The following POTEJ variants were observed in gnomAD, a reference collection of about 807,000 sequenced individuals.
The protein encoded by POTEJ is POTE ankyrin domain family, member J.
A neutral mutation model predicts 69.0 loss-of-function variants in POTEJ; 11 were observed. That is an observed-to-expected ratio of 0.16 (90% CI 0.10 to 0.26). The LOEUF (loss-of-function observed/expected upper bound fraction) is 0.26, where lower values mean the gene tolerates loss of function less well. POTEJ is among the 10% of genes least tolerant of loss of function. The probability of loss-of-function intolerance (pLI) is 1.00; values close to 1 mark genes in which losing one functional copy is unlikely to be tolerated. For synonymous variants in POTEJ, 117 were observed against 381.1 expected (o/e 0.31, Z 8.07); for missense variants, 327 against 1,045.5 (o/e 0.31, Z 9.48).
At position 130,648,332 on chromosome 2, in the gene POTEJ, C is replaced by T. The variant is rs1314815460; in HGVS notation, c.1667+2022C>T. Among the ~76,000 whole-genome samples the T allele has an allele frequency of 3.5e-5, 5 of 144,636 alleles. No homozygotes were observed. In the East Asian group the frequency reaches 9.7e-4, roughly 28 times the overall value. 94.9% of individuals were successfully genotyped at this position (144,636 alleles called of 152,430 possible). A position where few individuals can be genotyped will look rare whatever the true frequency, so the allele number is the denominator to read the frequency against. On this transcript the variant is annotated intron_variant, in intron 13 of 14. Transcript: ENST00000409602. ...CCTGTTATGTAAAATTTGGAAGCTACTATTTCTTGTCTATCACTTTTCCAT... is the reference window on the plus strand; with the variant it reads ...CCTGTTATGTAAAATTTGGAAGCTATTATTTCTTGTCTATCACTTTTCCAT...
rs1250119182 is a variant in POTEJ at position 130,625,417 on chromosome 2, TC to T, written c.1015+1284del. On this transcript the variant is annotated intron_variant, in intron 6 of 14. Coordinates refer to ENST00000409602, the MANE Select transcript of POTEJ (RefSeq NM_001277083.2). ...CATTTTCATTATTTTACTACTTTAT[TC>T]AGTGCTTACTGTGTGCTAGATGCCC... Among the ~76,000 whole-genome samples the T allele has an allele frequency of 1.2e-4, 18 of 151,798 alleles. No homozygotes were observed. In the South Asian group the frequency reaches 3.7e-3, roughly 32 times the overall value.
At chr2:130,634,970 C>G (rs1192971871) in intron 9 of POTEJ, among the ~76,000 whole-genome samples, 2 of 152,044 alleles carry the variant, frequency 1.3e-5, no homozygotes, top group Admixed American at 1.3e-4. Flanking sequence ...AATCTGTCAG[C>G]AATATTTGAG....
chr2:130,636,983 G>A (rs1686116471), intron 9 of POTEJ, among the ~76,000 whole-genome samples: 1 of 146,418 alleles, frequency 6.8e-6, no homozygotes, highest in Admixed American at 6.9e-5. Context: ...GGAGGCTGAG[G>A]CAGGAGAATG....
chr2:130,625,486 G>A (rs566676164), intron 6 of POTEJ, among the ~76,000 whole-genome samples: 14 of 152,028 alleles, frequency 9.2e-5, no homozygotes, highest in African/African-American at 3.2e-4. Flanking sequence ...TTGATTATGT[G>A]CCAGACATAT....
chr2:130,613,408 A>G (rs2105193568), intron 1 of POTEJ, among the ~76,000 whole-genome samples: 1 of 143,468 alleles, frequency 7.0e-6, no homozygotes, highest in Admixed American at 7.0e-5. Flanking sequence ...ATATATATAT[A>G]TACTTTTTTT....
intron 9 of POTEJ, among the ~76,000 whole-genome samples, chr2:130,637,601 A>C (rs1290664395): frequency 5.3e-5 from 8 of 152,248 alleles, no homozygotes. Context: ...TTGCGCAATA[A>C]AAATAGTCAT....
chr2:130,657,225 T>TCACCCACA lies in POTEJ; in HGVS notation c.2467_2474dup (p.Val826ProfsTer19), dbSNP rs1687039164. Reference sequence around the variant, plus strand: ...ATCGTGATGGACTCTGGTGACGGGGTCACCCACACTGTGCCCATCTATGAT... The same window carrying TCACCCACA: ...ATCGTGATGGACTCTGGTGACGGGGTCACCCACACACCCACACTGTGCCCATCTATGAT... On this transcript the variant is annotated frameshift_variant, in exon 15 of 15. Transcript: ENST00000409602. LOFTEE classifies it high-confidence loss of function. The TCACCCACA allele has an allele frequency of 1.3e-6, 2 of 1,519,370 alleles. No individual in the cohort carries two copies. Among genetic ancestry groups the TCACCCACA allele is most frequent in the African/African-American group, 3.0e-5 (2 of 65,988 alleles). 94.1% of individuals were successfully genotyped at this position (1,519,370 alleles called of 1,614,324 possible).
intron 6 of POTEJ, among the ~76,000 whole-genome samples, chr2:130,626,663 C>T (rs1478543292): frequency 6.6e-6 from 1 of 152,182 alleles, no homozygotes; most frequent in Non-Finnish European, 1.5e-5. Flanking sequence ...AGGTTCTTTA[C>T]CCTGTAAAGA....
chr2:130,622,587 G>A (rs1685577594), intron 5 of POTEJ, among the ~76,000 whole-genome samples: 1 of 137,864 alleles, frequency 7.3e-6, no homozygotes. Flanking sequence ...GCAGTAGAAA[G>A]TCCCATATGA....
chr2:130,613,346 GTGTGTGTATATATATACATATATA>G (rs1350817814), intron 1 of POTEJ, among the ~76,000 whole-genome samples: 61 of 115,584 alleles, frequency 5.3e-4, no homozygotes, highest in Non-Finnish European at 8.7e-4. Flanking sequence ...ACATATATAT[GTGTGTGTATATATATACATATATA>G]TGTGTGTGTG....
rs900164468 is a variant in POTEJ at position 130,615,436 on chromosome 2, G to A, written c.411-1354G>A. Among the ~76,000 whole-genome samples the A allele has an allele frequency of 1.2e-4, 15 of 129,488 alleles. No homozygotes were observed. In the East Asian group the frequency reaches 1.8e-3, roughly 15 times the overall value. The allele number at this position is 129,488 out of a possible 152,430, so 84.9% of individuals were successfully genotyped here. ...AATATGCAGCCATAAAAGAAGGAAC[G>A]AGAGCATGTCCTTTGCAGGGACATG... is the stretch of plus-strand genomic sequence containing the variant. On this transcript the variant is annotated intron_variant, in intron 1 of 14. Transcript: ENST00000409602.
intron 1 of POTEJ, among the ~76,000 whole-genome samples, chr2:130,613,402 A>G (rs189766238): frequency 7.0e-6 from 1 of 141,862 alleles, no homozygotes; most frequent in Non-Finnish European, 1.5e-5. Context: ...ATATATATAT[A>G]TATATATACT....
At chr2:130,639,037 C>T (rs1453472102) in intron 10 of POTEJ, among the ~76,000 whole-genome samples, 2 of 152,398 alleles carry the variant, frequency 1.3e-5, no homozygotes, top group South Asian at 2.1e-4. Flanking sequence ...ATGGGCAGTT[C>T]ACAACAGGGT....
intron 9 of POTEJ, among the ~76,000 whole-genome samples, chr2:130,636,851 G>T (rs1686110304): frequency 6.8e-6 from 1 of 147,502 alleles, no homozygotes; most frequent in African/African-American, 2.5e-5. Context: ...ACAGCACTTT[G>T]GGAGGCCAAG....
At chr2:130,642,181 T>G (rs1241369367) in intron 10 of POTEJ, among the ~76,000 whole-genome samples, 2 of 145,368 alleles carry the variant, frequency 1.4e-5, no homozygotes, top group African/African-American at 5.2e-5. Context: ...CAGGACATAA[T>G]GAAAAGAAGT....
At chr2:130,648,777 C>G (rs1234118492) in intron 13 of POTEJ, among the ~76,000 whole-genome samples, 1 of 144,182 alleles carries the variant, frequency 6.9e-6, no homozygotes, top group Non-Finnish European at 1.5e-5. Flanking sequence ...TCTTCTTTCT[C>G]ATAGTTTTTT....
At chr2:130,646,385 G>A (rs1466618366) in intron 13 of POTEJ, 75 bp downstream of exon 13, 1 of 500,620 alleles carries the variant, frequency 2.0e-6, no homozygotes, top group South Asian at 2.3e-5. Flanking sequence ...TAATATTCAT[G>A]ATGAACAAAT....
At chr2:130,639,175 C>A (rs71236644) in intron 10 of POTEJ, among the ~76,000 whole-genome samples, 4 of 152,412 alleles carry the variant, frequency 2.6e-5, no homozygotes, top group Non-Finnish European at 4.4e-5. Flanking sequence ...CTGCGCACCT[C>A]CTCCTGTGTG....
Position 130,632,779 on chromosome 2 carries a change from A to T in POTEJ, c.1298+123A>T, listed in dbSNP as rs560657782. 382 of 1,335,336 alleles carry T rather than the reference A, an allele frequency of 2.9e-4. 11 individuals carry two copies. The East Asian group carries it at 6.1e-3, about 21-fold the overall frequency. 82.7% of individuals were successfully genotyped at this position (1,335,336 alleles called of 1,614,324 possible). The stretch of plus-strand genomic sequence containing the variant: ...CTAGGATATTCAGCCTTGCCCATTA[A>T]TCAGAAAAATGAAAATCAGCGAACA... On this transcript the variant is annotated intron_variant, in intron 9 of 14. Transcript: ENST00000409602.
Sources: gnomAD v4.1 joint callset for allele counts (sites outside exome capture counted in the v4.1 genomes callset) on GRCh38, gnomAD v4.1.1 for gene constraint, MANE v1.5 for transcripts, NCBI Gene and HGNC (gene_info 2026-07-23, HGNC 2026-07-21) for gene names.